The following ZW10 variants were observed in gnomAD, a reference collection of about 807,000 sequenced individuals.
ZW10 encodes the protein centromere/kinetochore protein zw10 homolog.
A neutral mutation model predicts 87.8 loss-of-function variants in ZW10; 53 were observed. The ratio of observed to expected loss-of-function variants is 0.60; its 90% CI spans 0.48 to 0.76. The LOEUF is 0.76. Ranked by LOEUF, ZW10 falls within the 30% of genes least tolerant of loss-of-function variation. The pLI is 0.00. For synonymous variants in ZW10, 312 were observed against 329.2 expected (o/e 0.95, Z 0.57); for missense variants, 837 against 923.0 (o/e 0.91, Z 1.21).
chr11:113,748,413 T>G lies in ZW10; in HGVS notation c.933A>C (p.Pro311=), dbSNP rs1272891204. The G allele has an allele frequency of 6.3e-7, 1 of 1,582,192 alleles. No homozygotes were observed. The highest frequency in any genetic ancestry group is 1.4e-5 in the African/African-American group (1 of 73,022). Residue 311 remains proline, a synonymous_variant, in exon 8 of 16, where the codon CCA becomes CCC. Coordinates refer to ENST00000200135, the MANE Select transcript of ZW10 (RefSeq NM_004724.4). ...EVLQKQLLDL[P]LDTDLENEKT... The stretch of plus-strand genomic sequence containing the variant: ...TTTCATTTTCCAGGTCAGTGTCAAG[T>G]GGCAAATCTGAATTTTTTAAAAAAA...
intron 7 of ZW10, among the ~76,000 whole-genome samples, chr11:113,752,989 A>T (rs936696288): frequency 2.2e-4 from 33 of 152,088 alleles, no homozygotes; most frequent in Admixed American, 1.4e-3. Context: ...TAGTGTAAAC[A>T]TTACTTTTAT....
At chr11:113,741,538 C>A (rs1170203932) in intron 11 of ZW10, among the ~76,000 whole-genome samples, 156 bp downstream of exon 11, 1 of 152,154 alleles carries the variant, frequency 6.6e-6, no homozygotes, top group Middle Eastern at 3.2e-3. Flanking sequence ...TGACCAAATC[C>A]TTTAAATATG....
At chr11:113,747,846 A>G (rs1591413749) in intron 8 of ZW10, 133 bp from the exon 9 acceptor site, 2 of 587,836 alleles carry the variant, frequency 3.4e-6, no homozygotes, top group East Asian at 5.8e-5. Context: ...ATTACTAGGT[A>G]TAAAAATATA....
intron 7 of ZW10, among the ~76,000 whole-genome samples, chr11:113,753,263 G>A (rs1423441889): frequency 2.0e-5 from 3 of 152,128 alleles, no homozygotes; most frequent in Non-Finnish European, 4.4e-5. Context: ...ACTTATAAGT[G>A]AGGACATGCG....
intron 2 of ZW10, among the ~76,000 whole-genome samples, chr11:113,768,443 T>C (rs1953929400): frequency 6.6e-6 from 1 of 152,206 alleles, no homozygotes; most frequent in African/African-American, 2.4e-5. Flanking sequence ...TCATTTCTAA[T>C]AGCACAGTCT....
intron 11 of ZW10, among the ~76,000 whole-genome samples, chr11:113,741,167 C>T (rs184815288): frequency 1.3e-5 from 2 of 150,708 alleles, no homozygotes; most frequent in East Asian, 2.0e-4. Context: ...TAATTAGAGG[C>T]GAGGGTCTCA....
chr11:113,742,382 G>A (rs747461474), intron 10 of ZW10, among the ~76,000 whole-genome samples: 7 of 152,074 alleles, frequency 4.6e-5, no homozygotes, highest in South Asian at 2.1e-4. Context: ...CTTAAGCTAC[G>A]TACCTTAAAA....
At chr11:113,747,253 T>G (rs11214716) in intron 9 of ZW10, among the ~76,000 whole-genome samples, 33,844 of 152,100 alleles carry the variant, frequency 0.22, 3,993 homozygotes, top group East Asian at 0.42. Flanking sequence ...AATAATCTAC[T>G]GTCTCACTTC....
At chr11:113,741,805 T>C (rs1953622461) in intron 10 of ZW10, 40 bp from the exon 11 acceptor site, 1 of 1,470,730 alleles carries the variant, frequency 6.8e-7, no homozygotes, top group Non-Finnish European at 9.4e-7. Flanking sequence ...TGCCTAAGAA[T>C]ACACTAAAAA....
chr11:113,757,107 TAA>T (rs112995495), intron 7 of ZW10, among the ~76,000 whole-genome samples: 10,845 of 137,004 alleles, frequency 0.079, 491 homozygotes, highest in Middle Eastern at 0.18. Context: ...CAAATAGACT[TAA>T]AAAAAAAAAA....
chr11:113,756,203 A>G (rs1359824695), intron 7 of ZW10, among the ~76,000 whole-genome samples: 2 of 152,214 alleles, frequency 1.3e-5, no homozygotes, highest in African/African-American at 4.8e-5. Context: ...AAATGCACAG[A>G]GAAAAAGCCA....
chr11:113,733,611 G>A lies in ZW10; in HGVS notation c.*83C>T, dbSNP rs1270976694. On this transcript the variant is annotated 3_prime_UTR_variant, in exon 16 of 16. Transcript: ENST00000200135. ...TACTGGTTCACCAAAACCAATGGGC[G>A]ATTCAAAGAAGTCTTTAAGGGAGTA... 8 of 1,585,702 alleles carry A rather than the reference G, an allele frequency of 5.0e-6. No homozygotes were observed. Among genetic ancestry groups the A allele is most frequent in the South Asian group, 3.4e-5 (3 of 88,866 alleles).
At chr11:113,758,321 G>A (rs1237371145) in intron 6 of ZW10, among the ~76,000 whole-genome samples, 1 of 141,988 alleles carries the variant, frequency 7.0e-6, no homozygotes, top group Non-Finnish European at 1.5e-5. Context: ...ATTGTCTACA[G>A]ATTTTTATTT....
At chr11:113,773,447 C>T in intron 1 of ZW10, 115 bp downstream of exon 1, 4 of 809,140 alleles carry the variant, frequency 4.9e-6, no homozygotes, top group Non-Finnish European at 7.9e-6. Flanking sequence ...CCCAACAGGC[C>T]CCACTCTGCT....
chr11:113,753,819 G>C (rs1236247822), intron 7 of ZW10, among the ~76,000 whole-genome samples: 1 of 152,214 alleles, frequency 6.6e-6, no homozygotes, highest in Admixed American at 6.5e-5. Flanking sequence ...TTCTATGAAG[G>C]CTCAGAGAGG....
At chr11:113,734,008 AT>A (rs1448132524) in intron 15 of ZW10, among the ~76,000 whole-genome samples, 194 bp from the exon 16 acceptor site, 10 of 152,348 alleles carry the variant, frequency 6.6e-5, no homozygotes, top group African/African-American at 1.9e-4. Context: ...ACAACTGGTT[AT>A]CAGCACAGCC....
intron 7 of ZW10, among the ~76,000 whole-genome samples, chr11:113,754,400 G>A (rs895173689): frequency 6.6e-6 from 1 of 151,928 alleles, no homozygotes; most frequent in Non-Finnish European, 1.5e-5. Flanking sequence ...CACGAGAATC[G>A]CTTGAACCCA....
chr11:113,738,203 A>G, intron 13 of ZW10, 61 bp downstream of exon 13: 1 of 1,506,850 alleles, frequency 6.6e-7, no homozygotes, highest in Non-Finnish European at 8.8e-7. Flanking sequence ...TAAAAAAGCA[A>G]ACAAAAAAAA....
intron 8 of ZW10, 80 bp downstream of exon 8, chr11:113,748,177 A>G (rs1189224015): frequency 7.4e-7 from 1 of 1,354,386 alleles, no homozygotes; most frequent in South Asian, 1.8e-5. Context: ...TAAAGAACAA[A>G]CTATCTCCAA....
Sources: allele counts gnomAD v4.1 joint callset (sites outside exome capture counted in the v4.1 genomes callset), GRCh38; gene constraint gnomAD v4.1.1; transcripts MANE v1.5; gene names NCBI Gene and HGNC (gene_info 2026-07-23, HGNC 2026-07-21).